The following NUDT2 variants were observed in gnomAD, a reference collection of about 807,000 sequenced individuals.
NUDT2 encodes nudix hydrolase 2, also known as bis(5'-nucleosyl)-tetraphosphatase [asymmetrical].
A neutral mutation model predicts 14.2 loss-of-function variants in NUDT2; 12 were observed. The observed-to-expected ratio is 0.84, with a 90% CI of 0.54 to 1.37. The LOEUF is 1.37. NUDT2 is among the 40% of genes most tolerant of loss of function. The pLI is 0.00. For synonymous variants in NUDT2, 67 were observed against 67.4 expected (o/e 0.99, Z 0.03); for missense variants, 167 against 176.7 (o/e 0.95, Z 0.31).
At chr9:34,336,765 A>G (rs1838098864) in intron 2 of NUDT2, among the ~76,000 whole-genome samples, 1 of 151,986 alleles carries the variant, frequency 6.6e-6, no homozygotes, top group African/African-American at 2.4e-5. Context: ...ACTGGTCTCA[A>G]ACTCCTGGGC....
chr9:34,341,979 C>T (rs1201346530), intron 4 of NUDT2, among the ~76,000 whole-genome samples: 1 of 152,186 alleles, frequency 6.6e-6, no homozygotes, highest in Non-Finnish European at 1.5e-5. Context: ...TAGACAGAGT[C>T]TGCCAGACCG....
intron 1 of NUDT2, among the ~76,000 whole-genome samples, chr9:34,333,742 C>T (rs1251637769): frequency 6.7e-6 from 1 of 150,236 alleles, no homozygotes; most frequent in Non-Finnish European, 1.5e-5. Context: ...CCATTTGTGT[C>T]CTAAGCCCTA....
chr9:34,329,997 T>C (rs1837846652), intron 1 of NUDT2, among the ~76,000 whole-genome samples: 1 of 152,260 alleles, frequency 6.6e-6, no homozygotes, highest in Non-Finnish European at 1.5e-5. Context: ...AGATTTTATG[T>C]TTTCTAATTG....
chr9:34,338,649 T>C (rs146917126), intron 2 of NUDT2, 64 bp from the exon 3 acceptor site: 72 of 157,614 alleles, frequency 4.6e-4, no homozygotes, highest in Non-Finnish European at 8.4e-4. Context: ...GGAAATGGGG[T>C]TACAGGTTTG....
At chr9:34,336,721 T>A (rs1838097190) in intron 2 of NUDT2, among the ~76,000 whole-genome samples, 1 of 151,936 alleles carries the variant, frequency 6.6e-6, no homozygotes, top group South Asian at 2.1e-4. Flanking sequence ...TTTTTTCTAT[T>A]TTTTGAGAGA....
At chr9:34,342,256 C>G (rs1820209255) in intron 4 of NUDT2, among the ~76,000 whole-genome samples, 1 of 152,166 alleles carries the variant, frequency 6.6e-6, no homozygotes, top group Non-Finnish European at 1.5e-5. Context: ...TGGAAAAAGC[C>G]TTGATAGCTT....
intron 4 of NUDT2, among the ~76,000 whole-genome samples, chr9:34,342,082 G>T (rs749751735): frequency 6.6e-6 from 1 of 152,224 alleles, no homozygotes; most frequent in Non-Finnish European, 1.5e-5. Context: ...AGAGCTTCAA[G>T]TTCTCCTACA....
At chr9:34,329,895 TAGGGCCCAGAGGCCC>T (rs913564597) in intron 1 of NUDT2, among the ~76,000 whole-genome samples, 3 of 152,230 alleles carry the variant, frequency 2.0e-5, no homozygotes, top group African/African-American at 7.2e-5. Context: ...GGTCCAGGTT[TAGGGCCCAGAGGCCC>T]AGGCGCCGAA....
intron 1 of NUDT2, among the ~76,000 whole-genome samples, chr9:34,334,258 G>A (rs915599635): frequency 1.6e-4 from 25 of 152,184 alleles, no homozygotes; most frequent in African/African-American, 5.1e-4. Context: ...GGAGAAAGCC[G>A]AGAATATTTT....
At chr9:34,338,665 A>G (rs901873711) in intron 2 of NUDT2, 48 bp from the exon 3 acceptor site, 3 of 160,518 alleles carry the variant, frequency 1.9e-5, no homozygotes, top group Non-Finnish European at 4.1e-5. Context: ...GTTTGACGAT[A>G]AAACTTGTAC....
chr9:34,336,087 G>C (rs1185810253), intron 1 of NUDT2, 142 bp from the exon 2 acceptor site: 3 of 151,898 alleles, frequency 2.0e-5, no homozygotes, highest in Non-Finnish European at 4.4e-5. Context: ...GCTTATTTAG[G>C]GGTTCTAACA....
At chr9:34,333,802 G>A (rs986812552) in intron 1 of NUDT2, among the ~76,000 whole-genome samples, 10 of 152,244 alleles carry the variant, frequency 6.6e-5, no homozygotes, top group African/African-American at 2.4e-4. Flanking sequence ...TATAGACTTT[G>A]GAGTTAGACT....
intron 2 of NUDT2, among the ~76,000 whole-genome samples, chr9:34,338,327 T>A (rs1312164159): frequency 3.3e-4 from 11 of 33,728 alleles, no homozygotes; most frequent in Admixed American, 4.4e-4. Flanking sequence ...ACCCTGTCTC[T>A]AAAAAAAAAA....
intron 2 of NUDT2, 58 bp downstream of exon 2, chr9:34,336,399 A>G (rs1342081169): frequency 6.6e-6 from 1 of 152,238 alleles, no homozygotes; most frequent in Non-Finnish European, 1.5e-5. Context: ...ATAGAATAGA[A>G]AAATGAAAGC....
Position 34,333,289 on chromosome 9 carries a change from T to C in NUDT2, c.-264-2940T>C, listed in dbSNP as rs545553787. On this transcript the variant is annotated intron_variant, in intron 1 of 4. Coordinates refer to ENST00000379158, the MANE Select transcript of NUDT2 (RefSeq NM_001161.5). The stretch of plus-strand genomic sequence containing the variant: ...ACTAAAACCTTTTTGGTGGAAATGA[T>C]CCCAGCTAGACATCTTAACCTCCAA... Among the ~76,000 whole-genome samples, 15 of 152,046 alleles carry C rather than the reference T, an allele frequency of 9.9e-5. No individual in the cohort carries two copies. The South Asian group carries it at 2.9e-3, about 30-fold the overall frequency.
In NUDT2 at chr9:34,338,753, A is replaced by G. The variant is rs1838162135; in HGVS notation, c.-111A>G. ...GGATCTCCAGTGTCACAACAAACAC[A>G]TGCCAGCCCTGTTTTACAGGGAGCC... On this transcript the variant is annotated 5_prime_UTR_variant, in exon 3 of 5. It removes an upstream start codon present in the reference 5' UTR. Transcript: ENST00000379158. 1 of 228,492 alleles carries G rather than the reference A, an allele frequency of 4.4e-6. No individual in the cohort carries two copies. The highest frequency in any genetic ancestry group is 2.2e-5 in the African/African-American group (1 of 44,606). The allele number at this position is 228,492 out of a possible 1,614,324, so 14.2% of individuals were successfully genotyped here. A position where few individuals can be genotyped will look rare whatever the true frequency, so the allele number is the denominator to read the frequency against.
At chr9:34,341,712 G>A (rs1257620012) in intron 4 of NUDT2, among the ~76,000 whole-genome samples, 1 of 152,142 alleles carries the variant, frequency 6.6e-6, no homozygotes, top group Admixed American at 6.5e-5. Flanking sequence ...GTTTCACCAT[G>A]TTGGCCAGGC....
At chr9:34,340,819 T>C (rs1820165933) in intron 4 of NUDT2, among the ~76,000 whole-genome samples, 1 of 152,202 alleles carries the variant, frequency 6.6e-6, no homozygotes, top group Non-Finnish European at 1.5e-5. Context: ...AAGCAGGGAC[T>C]TTATTTTTTA....
chr9:34,335,683 A>G (rs1349167956), intron 1 of NUDT2, among the ~76,000 whole-genome samples: 1 of 152,250 alleles, frequency 6.6e-6, no homozygotes, highest in Admixed American at 6.5e-5. Context: ...CCATGGGTCC[A>G]GAATATAGAT....
Sources: gnomAD v4.1 joint callset for allele counts (sites outside exome capture counted in the v4.1 genomes callset) on GRCh38, gnomAD v4.1.1 for gene constraint, MANE v1.5 for transcripts, NCBI Gene and HGNC (gene_info 2026-07-23, HGNC 2026-07-21) for gene names.